The following GRM8 variants were observed in gnomAD, a reference collection of about 807,000 sequenced individuals.
GRM8 encodes the protein metabotropic glutamate receptor 8.
A neutral mutation model predicts 87.2 loss-of-function variants in GRM8; 47 were observed. That is an observed-to-expected ratio of 0.54 (90% CI 0.43 to 0.69). The LOEUF (loss-of-function observed/expected upper bound fraction) is 0.69, where lower values mean the gene tolerates loss of function less well. Ranked by LOEUF, GRM8 falls within the 30% of genes least tolerant of loss-of-function variation. The pLI, the probability that GRM8 is intolerant of heterozygous loss-of-function variation, is 0.00. For missense variants in GRM8, 1,019 were observed against 1,139.2 expected (o/e 0.89, Z 1.52); for synonymous variants, 396 against 404.5 (o/e 0.98, Z 0.25).
Position 127,222,269 on chromosome 7 carries a change from G to A in GRM8, c.510+20426C>T, listed in dbSNP as rs184187998. Among the ~76,000 whole-genome samples, 216 of 152,316 alleles carry A rather than the reference G, an allele frequency of 1.4e-3. 2 individuals carry two copies. The highest frequency in any genetic ancestry group is 6.6e-3 in the East Asian group (34 of 5,168). ...AAAAATATATAAAAAGTAGCTGGGC[G>A]TGGTGGCACATACCTATGGCCCCAA... On this transcript the variant is annotated intron_variant, in intron 2 of 10. Coordinates refer to ENST00000339582, the MANE Select transcript of GRM8 (RefSeq NM_000845.3).
chr7:126,586,233 T>C (rs1796111112), intron 8 of GRM8, among the ~76,000 whole-genome samples: 1 of 152,094 alleles, frequency 6.6e-6, no homozygotes, highest in Admixed American at 6.5e-5. Context: ...GAAAAATCAA[T>C]ATCATGAAAA....
At chr7:127,162,690 G>A (rs1793191781) in intron 2 of GRM8, among the ~76,000 whole-genome samples, 1 of 152,130 alleles carries the variant, frequency 6.6e-6, no homozygotes, top group African/African-American at 2.4e-5. Context: ...GCCTTTTACT[G>A]GAGGCTTGTC....
At chr7:126,830,729 T>C (rs1219572798) in intron 6 of GRM8, among the ~76,000 whole-genome samples, 1 of 152,254 alleles carries the variant, frequency 6.6e-6, no homozygotes, top group African/African-American at 2.4e-5. Flanking sequence ...CGTCCAGCTT[T>C]GTTCTGTTGC....
intron 8 of GRM8, among the ~76,000 whole-genome samples, chr7:126,561,316 TAAA>T (rs964647288): frequency 2.6e-5 from 4 of 151,840 alleles, no homozygotes; most frequent in African/African-American, 9.7e-5. Flanking sequence ...ACTAAAAATA[TAAA>T]AATTAGCCGG....
At chr7:126,730,491 G>T (rs1213360830) in intron 7 of GRM8, among the ~76,000 whole-genome samples, 3 of 152,096 alleles carry the variant, frequency 2.0e-5, no homozygotes, top group Non-Finnish European at 4.4e-5. Context: ...GTGAATTTGG[G>T]GTAGACTGTG....
At chr7:126,820,060 T>G (rs981680795) in intron 6 of GRM8, among the ~76,000 whole-genome samples, 4 of 152,222 alleles carry the variant, frequency 2.6e-5, no homozygotes, top group African/African-American at 9.6e-5. Flanking sequence ...GGAATTTTAT[T>G]TCATTTAAAC....
intron 6 of GRM8, among the ~76,000 whole-genome samples, chr7:126,846,031 T>A (rs1427419317): frequency 6.6e-6 from 1 of 151,872 alleles, no homozygotes. Flanking sequence ...TCCAGCAATA[T>A]AAAATATATA....
intron 2 of GRM8, among the ~76,000 whole-genome samples, chr7:127,177,672 G>C (rs1794194623): frequency 6.6e-6 from 1 of 152,182 alleles, no homozygotes; most frequent in Non-Finnish European, 1.5e-5. Flanking sequence ...TCACATCACA[G>C]GGCTCTGTGC....
intron 9 of GRM8, among the ~76,000 whole-genome samples, chr7:126,451,789 T>A (rs527343564): frequency 2.0e-5 from 3 of 151,818 alleles, no homozygotes; most frequent in Non-Finnish European, 4.4e-5. Context: ...GCCTCTTCAC[T>A]GCCTTCAAGT....
intron 7 of GRM8, among the ~76,000 whole-genome samples, chr7:126,647,598 TC>T (rs1407017962): frequency 2.0e-5 from 3 of 152,060 alleles, no homozygotes; most frequent in Non-Finnish European, 2.9e-5. Flanking sequence ...CTCCCTCTCC[TC>T]CATTCCAAAC....
chr7:126,863,688 T>A (rs1013364956), intron 6 of GRM8, among the ~76,000 whole-genome samples: 3 of 152,200 alleles, frequency 2.0e-5, no homozygotes, highest in Non-Finnish European at 2.9e-5. Flanking sequence ...CAGTGAGTTA[T>A]TGAAGTCTTC....
At chr7:126,643,096 G>A (rs972031751) in intron 7 of GRM8, among the ~76,000 whole-genome samples, 1 of 151,288 alleles carries the variant, frequency 6.6e-6, no homozygotes, top group African/African-American at 2.4e-5. Flanking sequence ...TTTGAGACCA[G>A]CCTGGGCAAC....
intron 6 of GRM8, among the ~76,000 whole-genome samples, chr7:126,876,827 C>T (rs1456538932): frequency 6.6e-6 from 1 of 152,052 alleles, no homozygotes; most frequent in African/African-American, 2.4e-5. Flanking sequence ...GGCATTGAAA[C>T]TACCTAGTTT....
intron 3 of GRM8, among the ~76,000 whole-genome samples, chr7:127,056,274 T>G (rs1041317374): frequency 3.3e-5 from 5 of 152,146 alleles, no homozygotes; most frequent in African/African-American, 1.2e-4. Flanking sequence ...AAGTAAACTA[T>G]TACCTAGAAA....
intron 7 of GRM8, among the ~76,000 whole-genome samples, chr7:126,689,534 T>A (rs923902204): frequency 3.3e-5 from 5 of 152,136 alleles, no homozygotes; most frequent in African/African-American, 1.2e-4. Context: ...ATGGCGCTGA[T>A]CTCAAAAAAA....
At chr7:126,636,966 G>A (rs758319709) in intron 7 of GRM8, among the ~76,000 whole-genome samples, 6 of 151,846 alleles carry the variant, frequency 4.0e-5, no homozygotes, top group Non-Finnish European at 8.8e-5. Context: ...TATTAAAATA[G>A]CTACGCCACA....
chr7:126,551,837 C>CT (rs1792624289), intron 8 of GRM8, among the ~76,000 whole-genome samples: 1 of 152,054 alleles, frequency 6.6e-6, no homozygotes, highest in African/African-American at 2.4e-5. Flanking sequence ...TAAAAATACT[C>CT]TTAACATTCT....
At chr7:126,894,144 T>C (rs1240150619) in intron 6 of GRM8, among the ~76,000 whole-genome samples, 1 of 152,120 alleles carries the variant, frequency 6.6e-6, no homozygotes, top group African/African-American at 2.4e-5. Context: ...ATTGTTCCTT[T>C]TTAAAAGTTT....
intron 9 of GRM8, among the ~76,000 whole-genome samples, chr7:126,520,365 T>C (rs770929622): frequency 7.2e-5 from 11 of 152,126 alleles, no homozygotes; most frequent in Non-Finnish European, 1.3e-4. Context: ...TTTGGGGTTT[T>C]AGATAGCTTA....
Sources: gnomAD v4.1 joint callset for allele counts (sites outside exome capture counted in the v4.1 genomes callset) on GRCh38, gnomAD v4.1.1 for gene constraint, MANE v1.5 for transcripts, NCBI Gene and HGNC (gene_info 2026-07-23, HGNC 2026-07-21) for gene names.